Variants in UPF2 observed in about 807,000 individuals in gnomAD.
UPF2 encodes the protein UPF2 regulator of nonsense mediated mRNA decay, also known as regulator of nonsense transcripts 2.
Under a neutral mutation model 141.4 loss-of-function variants are expected in UPF2, and 17 were observed. The ratio of observed to expected loss-of-function variants is 0.12; its 90% CI spans 0.08 to 0.18. The LOEUF (loss-of-function observed/expected upper bound fraction) is 0.18, where lower values mean the gene tolerates loss of function less well. Ranked by LOEUF, UPF2 falls within the 10% of genes least tolerant of loss-of-function variation. The probability of loss-of-function intolerance (pLI) is 1.00; values close to 1 mark genes in which losing one functional copy is unlikely to be tolerated. For missense variants in UPF2, 1,152 were observed against 1,515.9 expected (o/e 0.76, Z 3.99); for synonymous variants, 540 against 498.0 (o/e 1.08, Z -1.12).
At chr10:11,928,767 C>A in intron 21 of UPF2, 1 of 306,962 alleles carries the variant, frequency 3.3e-6, no homozygotes, top group South Asian at 2.7e-5. Flanking sequence ...TCTTCATTTT[C>A]AAATTCTTTA....
chr10:12,013,100 G>A (rs548660549), intron 4 of UPF2, among the ~76,000 whole-genome samples: 15 of 149,002 alleles, frequency 1.0e-4, no homozygotes, highest in African/African-American at 3.7e-4. Flanking sequence ...ACTCCAGCCT[G>A]AGCGACAGAG....
chr10:12,023,688 T>TA (rs111568431), intron 3 of UPF2, among the ~76,000 whole-genome samples: 377 of 134,936 alleles, frequency 2.8e-3, no homozygotes, highest in African/African-American at 8.2e-3. Context: ...AGACTCCATC[T>TA]AAAAAAAAAA....
chr10:11,973,085 G>A (rs1308687546), intron 9 of UPF2, among the ~76,000 whole-genome samples: 2 of 152,196 alleles, frequency 1.3e-5, no homozygotes, highest in African/African-American at 2.4e-5. Flanking sequence ...TCTAACTGGT[G>A]TGAGATGGTA....
In UPF2 at chr10:11,979,177, A is replaced by G. The variant is rs1833553536; in HGVS notation, c.1845-12T>C. On this transcript the variant is annotated splice_polypyrimidine_tract_variant and intron_variant, in intron 8 of 21. Transcript: ENST00000357604. The surrounding 1 kb of genome is among the most constrained non-coding windows in gnomAD (Gnocchi z 6.2). ...GTAGCAAATCCAACCTGCAAAAGTTATATGTGATATGTGTCAAAGGAAAGA... is the reference window on the plus strand; with the variant it reads ...GTAGCAAATCCAACCTGCAAAAGTTGTATGTGATATGTGTCAAAGGAAAGA... 6 of 1,583,044 alleles carry G rather than the reference A, an allele frequency of 3.8e-6. No individual in the cohort carries two copies. Among genetic ancestry groups the G allele is most frequent in the Non-Finnish European group, 5.2e-6 (6 of 1,154,962 alleles).
chr10:12,008,681 A>G (rs1834078485), intron 4 of UPF2, among the ~76,000 whole-genome samples: 1 of 150,398 alleles, frequency 6.6e-6, no homozygotes, highest in South Asian at 2.1e-4. Context: ...ACTTAGTGGC[A>G]TGTAAATTTT....
intron 8 of UPF2, among the ~76,000 whole-genome samples, chr10:11,991,819 T>C (rs538193110): frequency 6.6e-6 from 1 of 152,284 alleles, no homozygotes; most frequent in South Asian, 2.1e-4. Flanking sequence ...GGCACATTTT[T>C]CCCCAAGAAC....
Position 12,019,467 on chromosome 10 carries a change from T to C in UPF2, c.1146-5283A>G, listed in dbSNP as rs924130032. Among the ~76,000 whole-genome samples, 9 of 152,262 alleles carry C rather than the reference T, an allele frequency of 5.9e-5. No homozygotes were observed. The highest frequency in any genetic ancestry group is 3.3e-4 in the Admixed American group (5 of 15,286). On this transcript the variant is annotated intron_variant, in intron 3 of 21. Coordinates refer to ENST00000357604, the MANE Select transcript of UPF2 (RefSeq NM_015542.4). The surrounding 1 kb of genome is among the most constrained non-coding windows in gnomAD (Gnocchi z 4.5). ...TAGGCTTAATCTGGCCCACAAGCCA[T>C]AGTTCGCCAATGCCTGTCACACTAC...
chr10:11,955,564 A>G (rs1833135453), intron 13 of UPF2, 57 bp from the exon 14 acceptor site: 1 of 1,495,206 alleles, frequency 6.7e-7, no homozygotes, highest in Admixed American at 2.2e-5. Context: ...ATATGAAAAC[A>G]GGTTAAACTT....
At chr10:12,037,688 G>C (rs981395561) in intron 1 of UPF2, among the ~76,000 whole-genome samples, 2 of 151,838 alleles carry the variant, frequency 1.3e-5, no homozygotes, top group African/African-American at 4.8e-5. Flanking sequence ...CACAGTGCCC[G>C]GCCAGCCCTT....
intron 12 of UPF2, among the ~76,000 whole-genome samples, chr10:11,957,408 G>A (rs1239767851): frequency 6.6e-6 from 1 of 151,850 alleles, no homozygotes; most frequent in Non-Finnish European, 1.5e-5. Context: ...CAGCCTGGGT[G>A]ACAGAGCGAG....
chr10:11,970,773 C>T (rs1588544101), intron 9 of UPF2, among the ~76,000 whole-genome samples: 2 of 152,074 alleles, frequency 1.3e-5, no homozygotes, highest in South Asian at 2.1e-4. Context: ...GATCATGCCA[C>T]TGCATTCCAG....
At chr10:11,955,147 C>A in intron 14 of UPF2, 85 bp downstream of exon 14, 1 of 1,268,308 alleles carries the variant, frequency 7.9e-7, no homozygotes, top group South Asian at 2.2e-5. Flanking sequence ...ATATGAATAC[C>A]ATAACGTTTC....
At chr10:12,028,445 G>A (rs548420797) in intron 3 of UPF2, among the ~76,000 whole-genome samples, 3 of 152,204 alleles carry the variant, frequency 2.0e-5, no homozygotes, top group African/African-American at 7.2e-5. Flanking sequence ...GACAGAAAAG[G>A]AAATTTTACC....
intron 11 of UPF2, among the ~76,000 whole-genome samples, chr10:11,963,561 T>C (rs1833273533): frequency 6.6e-6 from 1 of 152,206 alleles, no homozygotes; most frequent in Non-Finnish European, 1.5e-5. Flanking sequence ...TGGTATTTTG[T>C]AAGTGCTGGG....
rs1278721407 is a variant in UPF2 at position 11,959,077 on chromosome 10, G to A, written c.2370+94C>T. The stretch of plus-strand genomic sequence containing the variant: ...CACAGAGCTGATTATAAAGGAACTT[G>A]AGCTCTACCCCCACTTCTCCTAGAC... On this transcript the variant is annotated intron_variant, in intron 12 of 21. Coordinates refer to ENST00000357604, the MANE Select transcript of UPF2 (RefSeq NM_015542.4). This position sits in a 1 kb window ranked among gnomAD's most constrained non-coding sequence, Gnocchi z 5.9. The A allele has an allele frequency of 8.1e-7, 1 of 1,230,970 alleles. No individual in the cohort carries two copies. The highest frequency in any genetic ancestry group is 1.1e-6 in the Non-Finnish European group (1 of 925,352). The allele number at this position is 1,230,970 out of a possible 1,614,324, so 76.3% of individuals were successfully genotyped here.
chr10:11,944,021 A>C (rs888241218), intron 16 of UPF2, among the ~76,000 whole-genome samples: 12 of 151,860 alleles, frequency 7.9e-5, no homozygotes, highest in South Asian at 2.1e-4. Flanking sequence ...AAAAAAAAAA[A>C]ACCAAAAACC....
intron 8 of UPF2, among the ~76,000 whole-genome samples, chr10:11,996,357 T>G (rs879571761): frequency 6.6e-5 from 10 of 152,012 alleles, no homozygotes; most frequent in Non-Finnish European, 1.3e-4. Flanking sequence ...TTCAACCTTT[T>G]TTTTTTTTGA....
At position 11,959,304 on chromosome 10, in the gene UPF2, G is replaced by A; in HGVS notation, c.2237C>T (p.Thr746Ile). 1.2e-6 allele frequency: 2 copies of A among 1,602,306 alleles called. No individual in the cohort carries two copies. The highest frequency in any genetic ancestry group is 1.7e-6 in the Non-Finnish European group (2 of 1,176,874). ...GTAGTAATATGCATTCTCTACCATT[G>A]TGACGTATCTCGCATCAAGATGCAT... Reference protein sequence around the residue: ...QAMHLDARYVTMVENAYYYCN... With the variant: ...QAMHLDARYVIMVENAYYYCN... The change falls in exon 12 of 22, where the codon ACA (threonine) becomes ATA (isoleucine). Residue 746 changes from threonine to isoleucine, a missense_variant. Physicochemically the swap from Thr to Ile is moderately conservative, Grantham distance 89. Transcript: ENST00000357604. This position sits in a 1 kb window ranked among gnomAD's most constrained non-coding sequence, Gnocchi z 5.9.
Position 11,934,867 on chromosome 10 carries a change from T to C in UPF2, c.3546+1678A>G, listed in dbSNP as rs150701150. On this transcript the variant is annotated intron_variant, in intron 19 of 21. Transcript: ENST00000357604. ...CCTCCCAAAGTGCTGGGATTACAGG[T>C]GTGAGCCACTATGCCCGGCCACACA... Among the ~76,000 whole-genome samples the C allele has an allele frequency of 6.1e-3, 934 of 152,278 alleles. 9 individuals are homozygous for C. The highest frequency in any genetic ancestry group is 0.021 in the African/African-American group (877 of 41,560).
Sources: gnomAD v4.1 joint callset for allele counts (sites outside exome capture counted in the v4.1 genomes callset) on GRCh38, gnomAD v4.1.1 for gene constraint, Gnocchi (gnomAD v3.1) non-coding constraint, MANE v1.5 for transcripts, NCBI Gene and HGNC (gene_info 2026-07-23, HGNC 2026-07-21) for gene names.